Variants in IFT140 observed in about 807,000 individuals in gnomAD.
IFT140 encodes intraflagellar transport 140.
A neutral mutation model predicts 164.6 loss-of-function variants in IFT140; 133 were observed. The ratio of observed to expected loss-of-function variants is 0.81; its 90% confidence interval spans 0.70 to 0.93. The LOEUF is 0.93. IFT140 is among the 40% of genes least tolerant of loss of function. The pLI, the probability that IFT140 is intolerant of heterozygous loss-of-function variation, is 0.00. For missense variants in IFT140, 2,045 were observed against 1,972.3 expected, an observed-to-expected ratio of 1.04 and a Z score of -0.70; for synonymous variants, 860 against 817.3, an observed-to-expected ratio of 1.05 and a Z score of -0.89.
chr16:1,572,348 A>G (rs1419522152), intron 13 of IFT140, among the ~76,000 whole-genome samples: 1 of 152,224 alleles, frequency 6.6e-6, no homozygotes, highest in Non-Finnish European at 1.5e-5. Context: ...TCGGCACGTT[A>G]GAAAGCATGC....
chr16:1,607,013 CA>C, intron 3 of IFT140, 106 bp downstream of exon 3: 1 of 1,102,884 alleles, frequency 9.1e-7, no homozygotes, highest in East Asian at 2.4e-5. Flanking sequence ...TACACACACA[CA>C]CCCATAGGCA....
Position 1,510,892 on chromosome 16 carries a change from T to C in IFT140, c.*52A>G, listed in dbSNP as rs985796594. 8.2e-5 allele frequency: 127 copies of C among 1,539,698 alleles called. No homozygotes were observed. Among genetic ancestry groups the C allele is most frequent in the Middle Eastern group, 6.8e-4 (3 of 4,442 alleles). On this transcript the variant is annotated 3_prime_UTR_variant, in exon 31 of 31. Coordinates refer to ENST00000426508, the MANE Select transcript of IFT140 (RefSeq NM_014714.4). Reference sequence around the variant, plus strand: ...GGCTTTGCCACAGCTGACAAAAAAATTCCAGAAGATGCCTTTCTGCAGCAG... The same window carrying C: ...GGCTTTGCCACAGCTGACAAAAAAACTCCAGAAGATGCCTTTCTGCAGCAG...
intron 5 of IFT140, 59 bp downstream of exon 5, chr16:1,592,408 C>A: frequency 6.2e-7 from 1 of 1,610,626 alleles, no homozygotes; most frequent in Non-Finnish European, 8.5e-7. Context: ...GAGCAGCCCG[C>A]TTCCCACCTC....
chr16:1,541,425 C>T (rs1242137516), intron 19 of IFT140: 1 of 985,304 alleles, frequency 1.0e-6, no homozygotes, highest in Non-Finnish European at 1.2e-6. Context: ...CCATGAGCCG[C>T]TTGGGGGTCG....
chr16:1,513,479 A>G (rs976293722), intron 30 of IFT140, among the ~76,000 whole-genome samples: 1 of 151,898 alleles, frequency 6.6e-6, no homozygotes, highest in African/African-American at 2.4e-5. Context: ...CCAGCTGGGC[A>G]ACAGAGCAAG....
At chr16:1,589,166 G>C (rs1254310722) in intron 7 of IFT140, among the ~76,000 whole-genome samples, 1 of 152,206 alleles carries the variant, frequency 6.6e-6, no homozygotes, top group Non-Finnish European at 1.5e-5. Context: ...TCTGTCATCT[G>C]CAAGAGCATC....
Position 1,610,655 on chromosome 16 carries a change from G to GC in IFT140, c.-32+8dup, listed in dbSNP as rs1430901412. 1 of 152,360 alleles carries GC rather than the reference G, an allele frequency of 6.6e-6. No homozygotes were observed. The highest frequency in any genetic ancestry group is 1.5e-5 in the Non-Finnish European group (1 of 68,100). The allele number at this position is 152,360 out of a possible 1,614,324, so 9.4% of individuals were successfully genotyped here. On this transcript the variant is annotated intron_variant, in intron 2 of 30. Transcript: ENST00000426508. ...CTGGGTCGGCCGCCCTAGCCCTAAG[G>GC]CCACTCACCTCTGCCAGGCCGCTGA...
intron 4 of IFT140, among the ~76,000 whole-genome samples, chr16:1,595,012 A>G (rs1464736706): frequency 2.0e-5 from 3 of 152,226 alleles, no homozygotes; most frequent in East Asian, 1.9e-4. Context: ...CAGGCCGGGC[A>G]CGGTGGCTCA....
Position 1,555,098 on chromosome 16 carries a change from C to G in IFT140, c.2399+2837G>C. 2.6e-6 allele frequency: 4 copies of G among 1,526,748 alleles called. No individual in the cohort carries two copies. In the South Asian group the frequency reaches 5.0e-5, roughly 19 times the overall value. The allele number at this position is 1,526,748 out of a possible 1,614,324, so 94.6% of individuals were successfully genotyped here. ...CAGCCTAGAAACCAAGGGACTCCAC[C>G]ACCAAGTCACTTCCCCTGCTCGTGC... On this transcript the variant is annotated intron_variant, in intron 19 of 30. Coordinates refer to ENST00000426508, the MANE Select transcript of IFT140 (RefSeq NM_014714.4).
rs898824836 is a variant in IFT140, at chr16:1,587,221, C to G, written c.986G>C (p.Cys329Ser). 6.2e-7 allele frequency: 1 copy of G among 1,610,564 alleles called. No homozygotes were observed. The highest frequency in any genetic ancestry group is 1.1e-5 in the South Asian group (1 of 91,020). Residue 329 changes from cysteine to serine, a missense_variant, in exon 9 of 31, where the codon TGT becomes TCT. Coordinates refer to ENST00000426508, the MANE Select transcript of IFT140 (RefSeq NM_014714.4). ...ACCTTTGACTTTACAGTAACACACA[C>G]AGTTCATATTCTCTCCTTTCTCAAA... ...FGFEKGENMN[C>S]VCYCKVKGLL...
At chr16:1,535,302 C>T (rs771626049) in intron 19 of IFT140, among the ~76,000 whole-genome samples, 4 of 152,194 alleles carry the variant, frequency 2.6e-5, no homozygotes, top group Non-Finnish European at 4.4e-5. Flanking sequence ...GCCACCGCAC[C>T]GTGGGGTTTG....
intron 15 of IFT140, 53 bp downstream of exon 15, chr16:1,568,164 G>C: frequency 7.6e-7 from 1 of 1,316,484 alleles, no homozygotes; most frequent in Non-Finnish European, 1.1e-6. Context: ...GCCTGGCCTG[G>C]GAGGACAGAG....
intron 19 of IFT140, among the ~76,000 whole-genome samples, chr16:1,538,551 G>A (rs1459049826): frequency 6.6e-6 from 1 of 152,156 alleles, no homozygotes; most frequent in Non-Finnish European, 1.5e-5. Flanking sequence ...AGGGCAGAGC[G>A]CAGAGCCCTG....
At chr16:1,578,026 C>T (rs1345302100) in intron 13 of IFT140, 3 of 152,178 alleles carry the variant, frequency 2.0e-5, no homozygotes, top group African/African-American at 7.2e-5. Flanking sequence ...CTACTCCCTT[C>T]CAGCTTTACT....
At chr16:1,596,298 G>C (rs1457733832) in intron 4 of IFT140, among the ~76,000 whole-genome samples, 1 of 151,870 alleles carries the variant, frequency 6.6e-6, no homozygotes, top group Non-Finnish European at 1.5e-5. Context: ...ATTCATTCCT[G>C]TGCCCTTCAC....
intron 20 of IFT140, 191 bp from the exon 21 acceptor site, chr16:1,526,268 T>G: frequency 1.6e-6 from 1 of 624,660 alleles, no homozygotes; most frequent in African/African-American, 1.8e-5. Context: ...GAGAGTGAGA[T>G]GCACCACCAA....
chr16:1,591,978 G>A (rs1211982523), intron 6 of IFT140, among the ~76,000 whole-genome samples, 198 bp downstream of exon 6: 2 of 152,334 alleles, frequency 1.3e-5, no homozygotes, highest in East Asian at 1.9e-4. Context: ...AGAACAAAGC[G>A]AGGGCAACAT....
intron 19 of IFT140, among the ~76,000 whole-genome samples, chr16:1,549,625 T>A (rs1335036431): frequency 6.6e-6 from 1 of 151,948 alleles, no homozygotes. Context: ...AGAGATGGGG[T>A]TTCCCCATGT....
chr16:1,586,402 A>C, intron 9 of IFT140, 127 bp from the exon 10 acceptor site: 26 of 878,598 alleles, frequency 3.0e-5, no homozygotes, highest in South Asian at 6.9e-5. Context: ...TCTCCACCTC[A>C]TCCCTGGCTG....
Sources: allele counts gnomAD v4.1 joint callset (sites outside exome capture counted in the v4.1 genomes callset), GRCh38; gene constraint gnomAD v4.1.1; transcripts MANE v1.5; gene names NCBI Gene and HGNC (gene_info 2026-07-23, HGNC 2026-07-21).